ATP8B1: variants seen among roughly 807,000 people sequenced by gnomAD.
ATP8B1 encodes phospholipid-transporting ATPase IC.
Under a neutral mutation model 149.9 loss-of-function variants are expected in ATP8B1, and 80 were observed. The ratio of observed to expected loss-of-function variants is 0.53; its 90% CI spans 0.45 to 0.64. The LOEUF (loss-of-function observed/expected upper bound fraction) is 0.64. Ranked by LOEUF, ATP8B1 falls within the 30% of genes least tolerant of loss-of-function variation. ATP8B1 has a pLI of 0.00. For missense variants in ATP8B1, 1,247 were observed against 1,552.6 expected (o/e 0.80, Z 3.31); for synonymous variants, 536 against 562.8 (o/e 0.95, Z 0.67).
chr18:57,681,326 G>A (rs556993889), intron 15 of ATP8B1, among the ~76,000 whole-genome samples: 11 of 152,228 alleles, frequency 7.2e-5, no homozygotes, highest in African/African-American at 1.9e-4. Flanking sequence ...GCAACCACAC[G>A]TGAACGTGGA....
chr18:57,650,827 ACT>A (rs1909564819), intron 26 of ATP8B1, among the ~76,000 whole-genome samples: 1 of 152,032 alleles, frequency 6.6e-6, no homozygotes, highest in Non-Finnish European at 1.5e-5. Flanking sequence ...ATAAAGCAAA[ACT>A]CTGTCTCAAA....
Position 57,662,516 on chromosome 18 carries a change from T to A in ATP8B1, c.2385A>T (p.Gly795=). Residue 795 remains glycine (G), a synonymous_variant, in exon 21 of 28, where the codon GGA becomes GGT. Coordinates refer to ENST00000648908, the MANE Select transcript of ATP8B1 (RefSeq NM_001374385.1). ...PVQESFFPPG[G]NRALIITGSW... ...AACCAGTGATGATTAAGGCACGGTTTCCACCGGGTGGAAAAAAAGATTCCT... is the reference window on the plus strand; with the variant it reads ...AACCAGTGATGATTAAGGCACGGTTACCACCGGGTGGAAAAAAAGATTCCT... 6.2e-7 allele frequency: 1 copy of A among 1,614,156 alleles called. No individual in the cohort carries two copies. Among genetic ancestry groups the A allele is most frequent in the South Asian group, 1.1e-5 (1 of 91,078 alleles).
chr18:57,703,038 A>G (rs1913208538), intron 4 of ATP8B1, among the ~76,000 whole-genome samples: 1 of 152,160 alleles, frequency 6.6e-6, no homozygotes, highest in African/African-American at 2.4e-5. Flanking sequence ...ACCTCTACAC[A>G]CACCTTTCTA....
At chr18:57,700,248 T>C (rs924563759) in intron 6 of ATP8B1, among the ~76,000 whole-genome samples, 2 of 152,208 alleles carry the variant, frequency 1.3e-5, no homozygotes, top group African/African-American at 4.8e-5. Context: ...AATTTTTTTT[T>C]TAATGCTGGA....
At chr18:57,701,395 C>T (rs950397405) in intron 4 of ATP8B1, 82 bp from the exon 5 acceptor site, 2 of 1,237,812 alleles carry the variant, frequency 1.6e-6, no homozygotes, top group Non-Finnish European at 2.4e-6. Context: ...TCTAAGCTTG[C>T]TAATTCCAAG....
intron 1 of ATP8B1, among the ~76,000 whole-genome samples, chr18:57,772,328 C>T (rs2080270432): frequency 1.3e-5 from 2 of 152,094 alleles, no homozygotes; most frequent in Admixed American, 6.6e-5. Context: ...CTGAGTTGGC[C>T]TTGAAGGTCA....
At chr18:57,801,062 A>G (rs1457133543) in intron 1 of ATP8B1, among the ~76,000 whole-genome samples, 1 of 152,200 alleles carries the variant, frequency 6.6e-6, no homozygotes, top group Non-Finnish European at 1.5e-5. Flanking sequence ...AAAAAACAAA[A>G]CAAAACCTCT....
At chr18:57,764,258 C>T (rs2080185037) in intron 1 of ATP8B1, among the ~76,000 whole-genome samples, 2 of 150,118 alleles carry the variant, frequency 1.3e-5, no homozygotes, top group Admixed American at 1.3e-4. Context: ...TTCCTTCCTT[C>T]CTTCTTTCCT....
intron 20 of ATP8B1, among the ~76,000 whole-genome samples, chr18:57,665,824 T>TA (rs1411722185): frequency 1.3e-5 from 2 of 152,174 alleles, no homozygotes; most frequent in African/African-American, 4.8e-5. Flanking sequence ...GTGCTGGTAT[T>TA]ACAAGCATGA....
chr18:57,666,059 A>G (rs112457177), intron 20 of ATP8B1, among the ~76,000 whole-genome samples: 11 of 152,266 alleles, frequency 7.2e-5, no homozygotes, highest in African/African-American at 2.6e-4. Flanking sequence ...TTGACCATCA[A>G]TTCCCTCATC....
In ATP8B1 at chr18:57,703,576, C is replaced by CAA. The variant is rs35128451; in HGVS notation, c.393+977_393+978dup. Reference sequence around the variant, plus strand: ...GGACGACAAGAGCGAAACACGGTCTCAAAAAAAAAAAAAAAAAGAATCTGA... The same window carrying CAA: ...GGACGACAAGAGCGAAACACGGTCTCAAAAAAAAAAAAAAAAAAAGAATCTGA... On this transcript the variant is annotated intron_variant, in intron 4 of 27. Coordinates refer to ENST00000648908, the MANE Select transcript of ATP8B1 (RefSeq NM_001374385.1). 2.0e-3 allele frequency among the ~76,000 whole-genome samples: 262 copies of CAA among 131,614 alleles called. 2 individuals carry two copies. The highest frequency in any genetic ancestry group is 4.0e-3 in the Middle Eastern group (1 of 250). The allele number at this position is 131,614 out of a possible 152,430, so 86.3% of individuals were successfully genotyped here.
rs1206262864 is a variant in ATP8B1, at chr18:57,662,503, T to C, written c.2398A>G (p.Ile800Val). Reference sequence around the variant, plus strand: ...CGTACCAACCAAGAACCAGTGATGATTAAGGCACGGTTTCCACCGGGTGGA... The same window carrying C: ...CGTACCAACCAAGAACCAGTGATGACTAAGGCACGGTTTCCACCGGGTGGA... Reference protein sequence around the residue: ...FFPPGGNRALIITGSWLNEIL... With the variant: ...FFPPGGNRALVITGSWLNEIL... The change falls in exon 21 of 28, where the codon ATC (isoleucine) becomes GTC (valine). Residue 800 changes from isoleucine (I) to valine (V), a missense_variant. By Grantham distance (29) the Ile-to-Val change is conservative. Coordinates refer to ENST00000648908, the MANE Select transcript of ATP8B1 (RefSeq NM_001374385.1). 2.5e-6 allele frequency: 4 copies of C among 1,614,134 alleles called. No homozygotes were observed. The Admixed American group carries it at 6.7e-5, about 27-fold the overall frequency.
At chr18:57,782,114 G>A (rs1418127602) in intron 1 of ATP8B1, among the ~76,000 whole-genome samples, 1 of 152,252 alleles carries the variant, frequency 6.6e-6, no homozygotes, top group East Asian at 1.9e-4. Flanking sequence ...GGAGGCCTCT[G>A]CCATAGGGCA....
chr18:57,739,646 C>G (rs190454629), intron 1 of ATP8B1, among the ~76,000 whole-genome samples: 3 of 152,254 alleles, frequency 2.0e-5, no homozygotes. Flanking sequence ...ACAGGTCACA[C>G]CTACCACATG....
rs1049464524 is a variant in ATP8B1, at chr18:57,802,918, G to C, written c.-26+80C>G. 5.9e-5 allele frequency: 9 copies of C among 152,336 alleles called. No homozygotes were observed. The highest frequency in any genetic ancestry group is 2.2e-4 in the African/African-American group (9 of 41,458). 9.4% of individuals were successfully genotyped at this position (152,336 alleles called of 1,614,324 possible). The stretch of plus-strand genomic sequence containing the variant: ...CGGATCTCCAAAGTGCGGCGGGAGC[G>C]GCCAGGGAACCTGCAGGACACCGCC... On this transcript the variant is annotated intron_variant, in intron 1 of 27. Coordinates refer to ENST00000648908, the MANE Select transcript of ATP8B1 (RefSeq NM_001374385.1). This position sits in a 1 kb window ranked among gnomAD's most constrained non-coding sequence, Gnocchi z 4.9.
intron 1 of ATP8B1, among the ~76,000 whole-genome samples, chr18:57,794,790 C>G (rs1233235036): frequency 1.9e-5 from 2 of 107,392 alleles, no homozygotes; most frequent in African/African-American, 8.3e-5. Context: ...AACTCCGCCT[C>G]AAAAAGAAAG....
intron 22 of ATP8B1, among the ~76,000 whole-genome samples, chr18:57,656,566 G>A (rs942536877): frequency 4.0e-5 from 6 of 151,772 alleles, no homozygotes; most frequent in East Asian, 3.9e-4. Context: ...TTGTAGAGAC[G>A]GGGTTTCACC....
chr18:57,711,540 A>C (rs1370940123), intron 2 of ATP8B1, among the ~76,000 whole-genome samples: 2 of 152,214 alleles, frequency 1.3e-5, no homozygotes, highest in Non-Finnish European at 2.9e-5. Context: ...TGCGCATACA[A>C]ACGTGTATCT....
intron 2 of ATP8B1, among the ~76,000 whole-genome samples, chr18:57,720,764 C>T (rs2079636650): frequency 1.4e-5 from 2 of 145,572 alleles, no homozygotes; most frequent in South Asian, 2.3e-4. Context: ...AGATACTCCT[C>T]GAGAAGAGCA....
Sources: allele counts gnomAD v4.1 joint callset (sites outside exome capture counted in the v4.1 genomes callset), GRCh38; gene constraint gnomAD v4.1.1; non-coding constraint Gnocchi (gnomAD v3.1); transcripts MANE v1.5; gene names NCBI Gene and HGNC (gene_info 2026-07-23, HGNC 2026-07-21).